Variants in IL15 observed in about 807,000 individuals in gnomAD.
IL15 encodes the protein interleukin 15, also known as interleukin-15.
Under a neutral mutation model 19.6 loss-of-function variants are expected in IL15, and 11 were observed. That is an observed-to-expected ratio of 0.56 (90% CI 0.35 to 0.93). The LOEUF is 0.93. Ranked by LOEUF, IL15 falls within the 40% of genes least tolerant of loss-of-function variation. The pLI, the probability that IL15 is intolerant of heterozygous loss-of-function variation, is 0.01. For missense variants in IL15, 197 were observed against 186.5 expected (o/e 1.06, Z -0.33); for synonymous variants, 58 against 59.6 (o/e 0.97, Z 0.12).
At chr4:141,725,533 G>C (rs541769366) in intron 5 of IL15, among the ~76,000 whole-genome samples, 1 of 152,232 alleles carries the variant, frequency 6.6e-6, no homozygotes, top group East Asian at 1.9e-4. Context: ...TGAATTGTGA[G>C]AAAATAAAGT....
At chr4:141,659,942 C>T (rs1004687769) in intron 2 of IL15, among the ~76,000 whole-genome samples, 2 of 151,884 alleles carry the variant, frequency 1.3e-5, no homozygotes, top group Non-Finnish European at 2.9e-5. Flanking sequence ...TTGCTTATTT[C>T]TTGGTGGCCA....
chr4:141,645,846 C>A (rs1424646940), intron 1 of IL15, among the ~76,000 whole-genome samples: 3 of 152,022 alleles, frequency 2.0e-5, no homozygotes, highest in African/African-American at 7.2e-5. Flanking sequence ...CTCCTTGGTT[C>A]TCCTCCACTT....
intron 2 of IL15, among the ~76,000 whole-genome samples, chr4:141,660,612 T>G (rs1727752851): frequency 6.6e-6 from 1 of 152,186 alleles, no homozygotes; most frequent in Non-Finnish European, 1.5e-5. Flanking sequence ...TAAAAAAGAT[T>G]GAAAAGTTGC....
At chr4:141,647,206 C>T (rs1727254465) in intron 1 of IL15, among the ~76,000 whole-genome samples, 2 of 151,824 alleles carry the variant, frequency 1.3e-5, no homozygotes, top group South Asian at 2.1e-4. Context: ...CAGAGCACAG[C>T]GAAGAGTCAG....
At chr4:141,641,680 G>C (rs566767839) in intron 1 of IL15, among the ~76,000 whole-genome samples, 1 of 139,696 alleles carries the variant, frequency 7.2e-6, no homozygotes, top group Non-Finnish European at 1.5e-5. Flanking sequence ...ATCACACACC[G>C]GGGCCTGTCA....
At chr4:141,694,769 A>G (rs1729036712) in intron 2 of IL15, among the ~76,000 whole-genome samples, 1 of 152,192 alleles carries the variant, frequency 6.6e-6, no homozygotes, top group African/African-American at 2.4e-5. Context: ...TGGATATCTA[A>G]GAGGCATGAG....
intron 1 of IL15, among the ~76,000 whole-genome samples, chr4:141,654,350 G>A (rs1421588332): frequency 6.6e-6 from 1 of 152,208 alleles, no homozygotes; most frequent in East Asian, 1.9e-4. Context: ...TTTATCAGGA[G>A]GGGCTCAGCT....
chr4:141,662,575 T>C (rs1727829788), intron 2 of IL15, among the ~76,000 whole-genome samples: 1 of 152,240 alleles, frequency 6.6e-6, no homozygotes, highest in South Asian at 2.1e-4. Flanking sequence ...TATGTGCATC[T>C]CTTGTAAACA....
At chr4:141,710,451 C>G (rs1232956089) in intron 2 of IL15, among the ~76,000 whole-genome samples, 1 of 152,030 alleles carries the variant, frequency 6.6e-6, no homozygotes, top group African/African-American at 2.4e-5. Context: ...AATTTTTAAG[C>G]ATTTCGTATC....
chr4:141,662,282 T>G (rs1031959136), intron 2 of IL15, among the ~76,000 whole-genome samples: 7 of 152,246 alleles, frequency 4.6e-5, no homozygotes, highest in Admixed American at 4.6e-4. Context: ...TTCTATCAGC[T>G]TTTGAAAGAG....
intron 5 of IL15, among the ~76,000 whole-genome samples, chr4:141,727,500 A>T (rs1347375918): frequency 1.3e-5 from 2 of 152,114 alleles, no homozygotes; most frequent in East Asian, 1.9e-4. Flanking sequence ...TGAGGTATGT[A>T]TGGGGAGAAA....
intron 7 of IL15, among the ~76,000 whole-genome samples, chr4:141,732,367 A>G (rs1055632065): frequency 6.6e-6 from 1 of 152,174 alleles, no homozygotes; most frequent in Non-Finnish European, 1.5e-5. Flanking sequence ...CATTGAGGCA[A>G]GGGGGATATG....
At chr4:141,688,615 T>C (rs1728786023) in intron 2 of IL15, among the ~76,000 whole-genome samples, 1 of 152,128 alleles carries the variant, frequency 6.6e-6, no homozygotes, top group African/African-American at 2.4e-5. Flanking sequence ...ATTTTCTCTT[T>C]ATATGCTCTT....
chr4:141,647,510 T>C (rs1023945954), intron 1 of IL15, among the ~76,000 whole-genome samples: 1 of 152,022 alleles, frequency 6.6e-6, no homozygotes, highest in African/African-American at 2.4e-5. Flanking sequence ...AATGTATATA[T>C]AGATGGCTTA....
rs184401999 is a variant in IL15, at chr4:141,678,007, A to G, written c.-100+21700A>G. On this transcript the variant is annotated intron_variant, in intron 2 of 7. Coordinates refer to ENST00000320650, the MANE Select transcript of IL15 (RefSeq NM_000585.5). ...CTCCAGAGCTTTGTCTCTATACCAC[A>G]TTCATCAGAGGGCCTAATTTTATCT... is the stretch of plus-strand genomic sequence containing the variant. 3.4e-3 allele frequency among the ~76,000 whole-genome samples: 518 copies of G among 152,292 alleles called. 4 individuals carry two copies. Among genetic ancestry groups the G allele is most frequent in the Middle Eastern group, 0.014 (4 of 294 alleles).
intron 1 of IL15, among the ~76,000 whole-genome samples, chr4:141,637,727 C>T (rs759884882): frequency 7.2e-5 from 11 of 152,220 alleles, no homozygotes; most frequent in Non-Finnish European, 1.3e-4. Flanking sequence ...TCAGCAATTT[C>T]AAAACTGGAA....
intron 2 of IL15, among the ~76,000 whole-genome samples, chr4:141,678,226 C>T (rs111243499): frequency 3.9e-5 from 6 of 152,266 alleles, no homozygotes; most frequent in African/African-American, 1.2e-4. Flanking sequence ...GTGATTTGCA[C>T]TTGTGTTTAT....
intron 2 of IL15, among the ~76,000 whole-genome samples, chr4:141,694,374 G>A (rs1298149530): frequency 6.6e-6 from 1 of 152,174 alleles, no homozygotes. Context: ...TTGAAAGTGA[G>A]CTTCACCATT....
chr4:141,654,631 C>G (rs1204027778), intron 1 of IL15, among the ~76,000 whole-genome samples: 2 of 152,218 alleles, frequency 1.3e-5, no homozygotes, highest in East Asian at 3.9e-4. Context: ...CCAAGACATA[C>G]TTGGCCATAT....
Sources: allele counts gnomAD v4.1 joint callset (sites outside exome capture counted in the v4.1 genomes callset), GRCh38; gene constraint gnomAD v4.1.1; transcripts MANE v1.5; gene names NCBI Gene and HGNC (gene_info 2026-07-23, HGNC 2026-07-21).